The following LHFPL3 variants were observed in gnomAD, a reference collection of about 807,000 sequenced individuals.
LHFPL3 encodes LHFPL tetraspan subfamily member 3, also known as LHFPL tetraspan subfamily member 3 protein.
A neutral mutation model predicts 19.3 loss-of-function variants in LHFPL3; 5 were observed. That is an observed-to-expected ratio of 0.26 (90% CI 0.14 to 0.54). The LOEUF (loss-of-function observed/expected upper bound fraction) is 0.54, where lower values mean the gene tolerates loss of function less well. LHFPL3 is among the 20% of genes least tolerant of loss of function. The pLI is 0.94. For synonymous variants in LHFPL3, 133 were observed against 126.2 expected (o/e 1.05, Z -0.36); for missense variants, 249 against 307.4 (o/e 0.81, Z 1.42).
chr7:104,845,992 T>G (rs1308161887), intron 2 of LHFPL3, among the ~76,000 whole-genome samples: 1 of 152,198 alleles, frequency 6.6e-6, no homozygotes, highest in Non-Finnish European at 1.5e-5. Flanking sequence ...TATTTTCCTG[T>G]GTACACATAT....
rs1330679184 is a variant in LHFPL3, at chr7:104,851,811, G to A, written c.683-54376G>A. On this transcript the variant is annotated intron_variant, in intron 2 of 2. Coordinates refer to ENST00000424859, the MANE Select transcript of LHFPL3 (RefSeq NM_199000.3). ...TTGGCGCTGAAGCTCCTTGTCACCC[G>A]TGACCTAAGATCCACATTGCCCAGG... 2.6e-5 allele frequency among the ~76,000 whole-genome samples: 4 copies of A among 152,078 alleles called. No individual in the cohort carries two copies. In the South Asian group the frequency reaches 6.2e-4, roughly 24 times the overall value.
At chr7:104,410,315 T>C (rs1251783235) in intron 1 of LHFPL3, among the ~76,000 whole-genome samples, 2 of 152,144 alleles carry the variant, frequency 1.3e-5, no homozygotes, top group African/African-American at 2.4e-5. Context: ...GTATTTTTAG[T>C]AGAGACGGGG....
rs547906108 is a variant in LHFPL3 at position 104,732,562 on chromosome 7, G to T, written c.446-4113G>T. Among the ~76,000 whole-genome samples the T allele has an allele frequency of 2.0e-5, 3 of 152,176 alleles. No individual in the cohort carries two copies. In the South Asian group the frequency reaches 6.2e-4, roughly 32 times the overall value. ...GGTATTTTGTCTTTCTGTGGGATTG[G>T]TGGTGATATCCCCTTTATCATTTTC... is the stretch of plus-strand genomic sequence containing the variant. On this transcript the variant is annotated intron_variant, in intron 1 of 2. Coordinates refer to ENST00000424859, the MANE Select transcript of LHFPL3 (RefSeq NM_199000.3).
intron 2 of LHFPL3, among the ~76,000 whole-genome samples, chr7:104,829,467 C>G (rs1255371345): frequency 2.6e-5 from 4 of 151,804 alleles, no homozygotes; most frequent in Admixed American, 2.6e-4. Flanking sequence ...TCTCCTAATG[C>G]TATCCCTCCC....
intron 1 of LHFPL3, among the ~76,000 whole-genome samples, chr7:104,544,085 C>T (rs915459195): frequency 6.7e-6 from 1 of 149,828 alleles, no homozygotes; most frequent in African/African-American, 2.4e-5. Flanking sequence ...ATTCATTCAA[C>T]TCATAAAAGT....
chr7:104,885,796 C>A (rs1026177136), intron 2 of LHFPL3, among the ~76,000 whole-genome samples: 8 of 152,048 alleles, frequency 5.3e-5, no homozygotes, highest in African/African-American at 1.9e-4. Context: ...CCCCACCCTT[C>A]AATAATGTCC....
chr7:104,825,327 T>G (rs1280010182), intron 2 of LHFPL3, among the ~76,000 whole-genome samples: 2 of 151,810 alleles, frequency 1.3e-5, no homozygotes, highest in Non-Finnish European at 2.9e-5. Flanking sequence ...GTACAGAATG[T>G]GCCATCACAC....
intron 1 of LHFPL3, among the ~76,000 whole-genome samples, chr7:104,530,383 C>T (rs1395823056): frequency 6.6e-6 from 1 of 152,158 alleles, no homozygotes; most frequent in East Asian, 1.9e-4. Context: ...GAGTGGTTTT[C>T]TCCCCAGCAG....
chr7:104,898,986 C>T (rs1478211809), intron 2 of LHFPL3, among the ~76,000 whole-genome samples: 1 of 151,816 alleles, frequency 6.6e-6, no homozygotes, highest in Non-Finnish European at 1.5e-5. Context: ...GCCTGTAGTC[C>T]CAGCTACTTA....
chr7:104,402,819 C>G (rs2116496663), intron 1 of LHFPL3, among the ~76,000 whole-genome samples: 1 of 152,310 alleles, frequency 6.6e-6, no homozygotes, highest in African/African-American at 2.4e-5. Flanking sequence ...TAATAAGACA[C>G]ACATTGAGAG....
At chr7:104,803,997 G>A (rs1411809212) in intron 2 of LHFPL3, 2 of 152,170 alleles carry the variant, frequency 1.3e-5, no homozygotes, top group East Asian at 3.8e-4. Context: ...ATAGCATCAA[G>A]ACTCAACATA....
intron 1 of LHFPL3, among the ~76,000 whole-genome samples, chr7:104,636,753 T>C (rs1011764883): frequency 2.0e-5 from 3 of 152,236 alleles, no homozygotes; most frequent in African/African-American, 7.2e-5. Context: ...TATTCCATGG[T>C]GTATATGTAA....
chr7:104,632,100 C>T (rs1323001190), intron 1 of LHFPL3, among the ~76,000 whole-genome samples: 3 of 152,154 alleles, frequency 2.0e-5, no homozygotes, highest in Non-Finnish European at 4.4e-5. Flanking sequence ...GCTAAGGTAT[C>T]CCTGCTTATC....
chr7:104,376,992 AAT>A (rs769175214), intron 1 of LHFPL3, among the ~76,000 whole-genome samples: 2 of 152,168 alleles, frequency 1.3e-5, no homozygotes, highest in Non-Finnish European at 2.9e-5. Context: ...TTTTGTTGGA[AAT>A]TTTGCTAAGT....
At chr7:104,675,034 G>A (rs575126538) in intron 1 of LHFPL3, among the ~76,000 whole-genome samples, 1 of 152,280 alleles carries the variant, frequency 6.6e-6, no homozygotes, top group African/African-American at 2.4e-5. Context: ...GTTTTGATGC[G>A]AAAAACTAGA....
chr7:104,685,957 A>G (rs561553916), intron 1 of LHFPL3, among the ~76,000 whole-genome samples: 17 of 152,382 alleles, frequency 1.1e-4, no homozygotes, highest in African/African-American at 3.6e-4. Context: ...ATTCTAGTGT[A>G]TTAGGTAGAA....
At chr7:104,487,041 G>C (rs1793249691) in intron 1 of LHFPL3, among the ~76,000 whole-genome samples, 1 of 151,586 alleles carries the variant, frequency 6.6e-6, no homozygotes, top group Admixed American at 6.6e-5. Context: ...TTCCCTTACT[G>C]TCTTTCGTTT....
Position 104,494,466 on chromosome 7 carries a change from T to A in LHFPL3, c.445+165242T>A, listed in dbSNP as rs377182847. ...GTTAATTATGTTCCTTTTGCTGAGA[T>A]CTCTCCTCTCATTTTCACATGTTTA... On this transcript the variant is annotated intron_variant, in intron 1 of 2. Transcript: ENST00000424859. Among the ~76,000 whole-genome samples the A allele has an allele frequency of 2.9e-3, 445 of 152,216 alleles. 3 individuals carry two copies. Among genetic ancestry groups the A allele is most frequent in the African/African-American group, 0.01 (423 of 41,538 alleles).
At chr7:104,466,884 G>A (rs929829405) in intron 1 of LHFPL3, among the ~76,000 whole-genome samples, 10 of 152,092 alleles carry the variant, frequency 6.6e-5, no homozygotes, top group Admixed American at 5.2e-4. Flanking sequence ...TTTTCTTTCT[G>A]AAGAATCATA....
Sources: allele counts gnomAD v4.1 joint callset (sites outside exome capture counted in the v4.1 genomes callset), GRCh38; gene constraint gnomAD v4.1.1; transcripts MANE v1.5; gene names NCBI Gene and HGNC (gene_info 2026-07-23, HGNC 2026-07-21).